Variants in SNX31 observed in about 807,000 individuals in gnomAD.
SNX31 encodes sorting nexin-31.
SNX31 carries 58 observed loss-of-function variants against 65.4 expected under a neutral mutation model. The ratio of observed to expected loss-of-function variants is 0.89; its 90% CI spans 0.72 to 1.10. The LOEUF (loss-of-function observed/expected upper bound fraction) is 1.10, where lower values mean the gene tolerates loss of function less well. Among genes scored for constraint, SNX31 ranks in the 50% least tolerant of loss-of-function variants. The probability of loss-of-function intolerance (pLI) is 0.00; values close to 1 mark genes in which losing one functional copy is unlikely to be tolerated. For synonymous variants in SNX31, 181 were observed against 190.1 expected (o/e 0.95, Z 0.39); for missense variants, 523 against 529.7 (o/e 0.99, Z 0.12).
rs773369931 is a variant in SNX31 at position 100,596,864 on chromosome 8, G to T, written c.775-22C>A. 1.2e-4 allele frequency: 200 copies of T among 1,608,772 alleles called. 1 individual carries two copies. Among genetic ancestry groups the T allele is most frequent in the Admixed American group, 8.3e-4 (50 of 59,992 alleles). On this transcript the variant is annotated intron_variant, in intron 9 of 13. Transcript: ENST00000311812. ...AAAACTGCTCCAAAGAGGGTGATGT[G>T]GGGGGAGGGGAGGCAAGAGGAAGCA...
intron 2 of SNX31, among the ~76,000 whole-genome samples, chr8:100,645,761 C>T (rs2131285502): frequency 6.6e-6 from 1 of 152,158 alleles, no homozygotes; most frequent in Admixed American, 6.5e-5. Context: ...ACAGGAGCAC[C>T]ACCATGCCTG....
At position 100,622,387 on chromosome 8, in the gene SNX31, G is replaced by A. The variant is rs529683378; in HGVS notation, c.322-4657C>T. On this transcript the variant is annotated intron_variant, in intron 4 of 13. Coordinates refer to ENST00000311812, the MANE Select transcript of SNX31 (RefSeq NM_152628.4). This position sits in a 1 kb window ranked among gnomAD's most constrained non-coding sequence, Gnocchi z 5.0. ...GCATTTTCCAGGTGTGGTGGCTCAC[G>A]CCTGGAATCCCAGCACTTTGGGACC... Among the ~76,000 whole-genome samples, 90 of 152,264 alleles carry A rather than the reference G, an allele frequency of 5.9e-4. No homozygotes were observed. Among genetic ancestry groups the A allele is most frequent in the Middle Eastern group, 6.8e-3 (2 of 294 alleles).
upstream of SNX31, among the ~76,000 whole-genome samples, chr8:100,650,036 T>C (rs1819914397): frequency 6.8e-6 from 1 of 147,704 alleles, no homozygotes; most frequent in Admixed American, 6.9e-5. Context: ...TCTTTCAATC[T>C]TGTTTTTTCC....
At chr8:100,611,945 AT>A in intron 7 of SNX31, 54 bp downstream of exon 7, 1 of 1,363,400 alleles carries the variant, frequency 7.3e-7, no homozygotes, top group South Asian at 1.2e-5. Context: ...GTAAGTCCTG[AT>A]GGGCAATGGC....
intron 4 of SNX31, chr8:100,619,787 A>G (rs1817551130): frequency 6.6e-6 from 1 of 152,232 alleles, no homozygotes; most frequent in Admixed American, 6.5e-5. Context: ...CATCCACAGT[A>G]TACAATAAAT....
intron 8 of SNX31, among the ~76,000 whole-genome samples, chr8:100,603,894 C>T (rs1243736976): frequency 2.6e-5 from 4 of 152,110 alleles, no homozygotes; most frequent in African/African-American, 9.7e-5. Flanking sequence ...TGTGCCACCA[C>T]ACCTGGCTAA....
chr8:100,597,869 A>G (rs192124393), intron 9 of SNX31, among the ~76,000 whole-genome samples: 2 of 152,338 alleles, frequency 1.3e-5, no homozygotes, highest in East Asian at 3.9e-4. Context: ...GATTGCATTT[A>G]AATAAGCTGG....
chr8:100,624,296 G>A (rs781345584), intron 4 of SNX31, among the ~76,000 whole-genome samples: 26 of 152,098 alleles, frequency 1.7e-4, no homozygotes, highest in African/African-American at 3.1e-4. Context: ...AAAATAAAAC[G>A]AAGAATGAGA....
chr8:100,574,295 C>T (rs1812852165), intron 13 of SNX31, among the ~76,000 whole-genome samples: 1 of 152,158 alleles, frequency 6.6e-6, no homozygotes, highest in Non-Finnish European at 1.5e-5. Flanking sequence ...TTTAACTTTG[C>T]CCAAAATCTT....
At chr8:100,584,210 A>G (rs751039918) in intron 11 of SNX31, 22 bp from the exon 12 acceptor site, 3 of 1,575,822 alleles carry the variant, frequency 1.9e-6, no homozygotes, top group African/African-American at 2.8e-5. Flanking sequence ...AGGAATAAAG[A>G]ACTCTTGTAA....
chr8:100,593,255 G>T lies in SNX31; in HGVS notation c.978+3384C>A, dbSNP rs1026916002. Among the ~76,000 whole-genome samples the T allele has an allele frequency of 2.0e-5, 3 of 152,058 alleles. No homozygotes were observed. In the East Asian group the frequency reaches 5.8e-4, roughly 29 times the overall value. On this transcript the variant is annotated intron_variant, in intron 10 of 13. Transcript: ENST00000311812. ...ATATTGGTGGGGGAATATACACATA[G>T]ATCAGCCAAACAGAACAGAGAACCT...
chr8:100,575,577 C>G lies in SNX31; in HGVS notation c.1227+1442G>C, dbSNP rs936270810. On this transcript the variant is annotated intron_variant, in intron 13 of 13. Transcript: ENST00000311812. The surrounding 1 kb of genome is among the most constrained non-coding windows in gnomAD (Gnocchi z 5.1). ...TATCTGTTGTCCTAGGACAGTGGCT[C>G]TCAAACTTGAACATGCATCAGATTT... 1.3e-5 allele frequency among the ~76,000 whole-genome samples: 2 copies of G among 152,154 alleles called. No individual in the cohort carries two copies. The highest frequency in any genetic ancestry group is 1.5e-5 in the Non-Finnish European group (1 of 68,028).
At chr8:100,620,679 A>T (rs1817617673) in intron 4 of SNX31, among the ~76,000 whole-genome samples, 1 of 152,218 alleles carries the variant, frequency 6.6e-6, no homozygotes, top group Non-Finnish European at 1.5e-5. Context: ...TTAGATTGTG[A>T]TCCTGATCAT....
chr8:100,605,389 C>CACCTTTG (rs1291106214), intron 8 of SNX31, among the ~76,000 whole-genome samples: 2 of 152,150 alleles, frequency 1.3e-5, no homozygotes, highest in Admixed American at 1.3e-4. Context: ...ACCTTGGACC[C>CACCTTTG]ACCTTTGACT....
chr8:100,611,301 C>A (rs1297656495), intron 7 of SNX31, among the ~76,000 whole-genome samples: 2 of 152,152 alleles, frequency 1.3e-5, no homozygotes, highest in African/African-American at 2.4e-5. Flanking sequence ...TGATGCATTG[C>A]AAAGCAAACC....
chr8:100,583,973 C>T (rs2130814691), intron 12 of SNX31, 138 bp downstream of exon 12: 1 of 634,860 alleles, frequency 1.6e-6, no homozygotes, highest in Non-Finnish European at 2.7e-6. Flanking sequence ...GGAAGAGGAG[C>T]TCACTTCTGT....
At position 100,626,676 on chromosome 8, in the gene SNX31, T is replaced by A. The variant is rs931059554; in HGVS notation, c.321+3651A>T. On this transcript the variant is annotated intron_variant, in intron 4 of 13. Transcript: ENST00000311812. The surrounding 1 kb of genome is among the most constrained non-coding windows in gnomAD (Gnocchi z 4.4). ...AGTTGATTGATGACTTAAAGATAAC[T>A]GGCAAGGGATCTATGCAAAAATCCT... Among the ~76,000 whole-genome samples, 3 of 152,102 alleles carry A rather than the reference T, an allele frequency of 2.0e-5. No homozygotes were observed. The East Asian group carries it at 5.8e-4, about 29-fold the overall frequency.
chr8:100,624,622 G>A (rs772347617), intron 4 of SNX31, among the ~76,000 whole-genome samples: 3 of 152,136 alleles, frequency 2.0e-5, no homozygotes, highest in Non-Finnish European at 2.9e-5. Context: ...AACAAGTTTA[G>A]AGTGGAAATC....
intron 2 of SNX31, among the ~76,000 whole-genome samples, chr8:100,637,646 A>G (rs973968991): frequency 6.6e-6 from 1 of 151,776 alleles, no homozygotes; most frequent in Non-Finnish European, 1.5e-5. Context: ...TCTACCCGTG[A>G]CTCCTTCAGT....
Sources: allele counts gnomAD v4.1 joint callset (sites outside exome capture counted in the v4.1 genomes callset), GRCh38; gene constraint gnomAD v4.1.1; non-coding constraint Gnocchi (gnomAD v3.1); transcripts MANE v1.5; gene names NCBI Gene and HGNC (gene_info 2026-07-23, HGNC 2026-07-21).